MRPL1: variants seen among roughly 807,000 people sequenced by gnomAD.
The protein encoded by MRPL1 is large ribosomal subunit protein uL1m.
In MRPL1, 28 loss-of-function variants were observed where a neutral mutation model predicts 38.0. The observed-to-expected ratio is 0.74, with a 90% CI of 0.55 to 1.01. The LOEUF is 1.01. Ranked by LOEUF, MRPL1 falls within the 50% of genes least tolerant of loss-of-function variation. The pLI is 0.00. For synonymous variants in MRPL1, 123 were observed against 126.7 expected (o/e 0.97, Z 0.20); for missense variants, 358 against 389.8 (o/e 0.92, Z 0.69).
intron 5 of MRPL1, among the ~76,000 whole-genome samples, chr4:77,888,717 A>AT (rs1376334437): frequency 1.3e-5 from 2 of 151,936 alleles, no homozygotes; most frequent in South Asian, 2.1e-4. Flanking sequence ...AAGTTATGGA[A>AT]TTTTTTTTAT....
intron 2 of MRPL1, among the ~76,000 whole-genome samples, chr4:77,877,623 C>G (rs1578039460): frequency 6.7e-6 from 1 of 149,068 alleles, no homozygotes; most frequent in African/African-American, 2.5e-5. Context: ...TAAATGCAGC[C>G]CTAGTCTTAA....
In MRPL1 at chr4:77,907,229, G is replaced by T. The variant is rs902595768; in HGVS notation, c.671-2037G>T. The T allele has an allele frequency of 4.4e-6, 4 of 903,208 alleles. No individual in the cohort carries two copies. In the African/African-American group the frequency reaches 7.2e-5, roughly 16 times the overall value. The allele number at this position is 903,208 out of a possible 1,614,324, so 55.9% of individuals were successfully genotyped here. On this transcript the variant is annotated intron_variant, in intron 6 of 8. Coordinates refer to ENST00000315567, the MANE Select transcript of MRPL1 (RefSeq NM_020236.4). ...TTTCAAGGTAAGTTATGGTATAGTG[G>T]AATATACCATATTTTTGTTTATTAA...
At chr4:77,867,548 TTTTTCTTTTC>T (rs143996467) in intron 1 of MRPL1, among the ~76,000 whole-genome samples, 2 of 149,828 alleles carry the variant, frequency 1.3e-5, no homozygotes, top group African/African-American at 5.1e-5. Flanking sequence ...TTTCTTTTTC[TTTTTCTTTTC>T]TTTTCTTTCA....
chr4:77,948,068 C>A (rs1578066911), intron 7 of MRPL1, among the ~76,000 whole-genome samples: 1 of 151,958 alleles, frequency 6.6e-6, no homozygotes, highest in East Asian at 1.9e-4. Flanking sequence ...TATAAAGCTG[C>A]AGAAAGTATA....
chr4:77,917,843 G>A (rs113991468), intron 7 of MRPL1, among the ~76,000 whole-genome samples: 33,087 of 151,810 alleles, frequency 0.22, 4,302 homozygotes, highest in African/African-American at 0.36. Flanking sequence ...ATCACCTGAG[G>A]TCAGGAGTTT....
At chr4:77,872,655 C>T (rs918337526) in intron 2 of MRPL1, among the ~76,000 whole-genome samples, 1 of 152,070 alleles carries the variant, frequency 6.6e-6, no homozygotes, top group Non-Finnish European at 1.5e-5. Context: ...ACGAAGTCGG[C>T]AGTTCAAGAC....
chr4:77,905,496 CAAAAA>C (rs374398968), intron 6 of MRPL1, among the ~76,000 whole-genome samples: 4 of 63,392 alleles, frequency 6.3e-5, no homozygotes, highest in Non-Finnish European at 8.3e-5. Flanking sequence ...GACTCCGTCT[CAAAAA>C]AAAAAAAAAA....
intron 7 of MRPL1, among the ~76,000 whole-genome samples, chr4:77,924,056 T>G (rs569666541): frequency 2.0e-5 from 3 of 151,774 alleles, no homozygotes; most frequent in East Asian, 3.9e-4. Flanking sequence ...ATGCAGTGAG[T>G]TTTTTTTCCC....
At chr4:77,935,955 C>T (rs1736964807) in intron 7 of MRPL1, among the ~76,000 whole-genome samples, 1 of 150,094 alleles carries the variant, frequency 6.7e-6, no homozygotes, top group Non-Finnish European at 1.5e-5. Context: ...AAAGTAAACT[C>T]TGTCTTGCAT....
chr4:77,934,016 A>T (rs960462412), intron 7 of MRPL1, among the ~76,000 whole-genome samples: 2 of 152,192 alleles, frequency 1.3e-5, no homozygotes, highest in African/African-American at 4.8e-5. Context: ...ATGTGAAAAA[A>T]TCTCTGGTGC....
At chr4:77,933,961 T>C (rs1358218208) in intron 7 of MRPL1, among the ~76,000 whole-genome samples, 1 of 152,206 alleles carries the variant, frequency 6.6e-6, no homozygotes, top group Non-Finnish European at 1.5e-5. Flanking sequence ...TTGATAATTA[T>C]TAAAAGCTGG....
intron 2 of MRPL1, among the ~76,000 whole-genome samples, chr4:77,879,699 C>G (rs1283601307): frequency 2.0e-5 from 3 of 152,178 alleles, no homozygotes; most frequent in African/African-American, 7.2e-5. Flanking sequence ...GTTGGCTTCT[C>G]TGCTGCTTTG....
intron 7 of MRPL1, among the ~76,000 whole-genome samples, chr4:77,938,374 A>G (rs576624926): frequency 6.6e-6 from 1 of 152,320 alleles, no homozygotes; most frequent in African/African-American, 2.4e-5. Flanking sequence ...GAAACATCAA[A>G]TGGCTTTTCA....
At chr4:77,944,059 C>G (rs1737198007) in intron 7 of MRPL1, among the ~76,000 whole-genome samples, 1 of 152,188 alleles carries the variant, frequency 6.6e-6, no homozygotes, top group Non-Finnish European at 1.5e-5. Context: ...TGTTCAGATT[C>G]TTTTGTCCCA....
rs373853356 is a variant in MRPL1 at position 77,871,821 on chromosome 4, C to T, written c.109C>T (p.Arg37Ter). The T allele has an allele frequency of 5.4e-5, 87 of 1,602,616 alleles. No homozygotes were observed. The highest frequency in any genetic ancestry group is 2.1e-4 in the Admixed American group (12 of 57,838). ...ACTTTGTTCTTGTTCTGTAAACATC[C>T]GAGTGCCCAACAGACATTTTGCTGC... is the stretch of plus-strand genomic sequence containing the variant. ...TSLCSCSVNI[R>*]VPNRHFAAAT... is the part of the protein sequence containing the mutation. Residue 37 changes from arginine (R) to a stop codon, truncating the protein, a stop_gained, in exon 2 of 9, where the codon CGA becomes TGA. Transcript: ENST00000315567. LOFTEE classifies it high-confidence loss of function.
At chr4:77,879,850 C>T (rs1434582295) in intron 2 of MRPL1, among the ~76,000 whole-genome samples, 1 of 152,128 alleles carries the variant, frequency 6.6e-6, no homozygotes, top group Non-Finnish European at 1.5e-5. Flanking sequence ...CAGAAGGACA[C>T]CTGTGCCCCA....
At chr4:77,874,948 AT>A (rs968254506) in intron 2 of MRPL1, among the ~76,000 whole-genome samples, 56 of 145,502 alleles carry the variant, frequency 3.8e-4, no homozygotes, top group Non-Finnish European at 3.8e-4. Flanking sequence ...CGCCCGGCTA[AT>A]TTTTTTTTTT....
intron 7 of MRPL1, among the ~76,000 whole-genome samples, chr4:77,942,358 G>T (rs1013768859): frequency 6.6e-6 from 1 of 152,102 alleles, no homozygotes; most frequent in Non-Finnish European, 1.5e-5. Flanking sequence ...GTAGAATGTT[G>T]TGTAAATATC....
At chr4:77,894,087 C>A in intron 5 of MRPL1, 52 bp from the exon 6 acceptor site, 1 of 1,014,004 alleles carries the variant, frequency 9.9e-7, no homozygotes, top group South Asian at 1.4e-5. Flanking sequence ...TTTTTCAGAA[C>A]GATAAAGCTT....
Sources: allele counts gnomAD v4.1 joint callset (sites outside exome capture counted in the v4.1 genomes callset), GRCh38; gene constraint gnomAD v4.1.1; transcripts MANE v1.5; gene names NCBI Gene and HGNC (gene_info 2026-07-23, HGNC 2026-07-21).